CD22: variants seen among roughly 807,000 people sequenced by gnomAD.
CD22 encodes B-cell receptor CD22.
CD22 carries 51 observed loss-of-function variants against 94.7 expected under a neutral mutation model. The ratio of observed to expected loss-of-function variants is 0.54; its 90% CI spans 0.43 to 0.68. CD22 has a LOEUF of 0.68. CD22 is among the 30% of genes least tolerant of loss of function. CD22 has a pLI of 0.00. For synonymous variants in CD22, 424 were observed against 422.5 expected, an observed-to-expected ratio of 1.00 and a Z score of -0.04; for missense variants, 931 against 1,060.4, an observed-to-expected ratio of 0.88 and a Z score of 1.69.
rs932697461 is a variant in CD22, at chr19:35,337,619, G to A, written c.719-136G>A. On this transcript the variant is annotated intron_variant, in intron 4 of 13. Transcript: ENST00000085219. The surrounding 1 kb of genome is among the most constrained non-coding windows in gnomAD (Gnocchi z 4.4). ...AAGTGGGAGGGGGAAGCTGAGAGCC[G>A]AGTTAGGAGGCTGTGACCATCACCT... 3.7e-5 allele frequency: 27 copies of A among 737,322 alleles called. No individual in the cohort carries two copies. The highest frequency in any genetic ancestry group is 3.9e-5 in the Non-Finnish European group (18 of 462,286). 45.7% of individuals were successfully genotyped at this position (737,322 alleles called of 1,614,324 possible). A position where few individuals can be genotyped will look rare whatever the true frequency, so the allele number is the denominator to read the frequency against.
intron 6 of CD22, among the ~76,000 whole-genome samples, chr19:35,340,340 T>A (rs1166498990): frequency 6.6e-6 from 1 of 152,174 alleles, no homozygotes; most frequent in Non-Finnish European, 1.5e-5. Flanking sequence ...TGGAGTGCAG[T>A]GGCTTGATCT....
At chr19:35,335,077 C>CA (rs35391333) in intron 3 of CD22, among the ~76,000 whole-genome samples, 2,313 of 73,300 alleles carry the variant, frequency 0.032, 126 homozygotes, top group African/African-American at 0.11. Flanking sequence ...GACTCTGTCT[C>CA]AAAAAAAAAA....
rs1386300166 is a variant in CD22 at position 35,336,052 on chromosome 19, T to C, written c.429T>C (p.Pro143=). 1 of 1,613,552 alleles carries C rather than the reference T, an allele frequency of 6.2e-7. No individual in the cohort carries two copies. Among genetic ancestry groups the C allele is most frequent in the Non-Finnish European group, 8.5e-7 (1 of 1,179,726 alleles). Residue 143 remains proline, a synonymous_variant, in exon 4 of 14, where the codon CCT becomes CCC. Coordinates refer to ENST00000085219, the MANE Select transcript of CD22 (RefSeq NM_001771.4). The part of the protein sequence containing the change: ...HLNVSERPFP[P]HIQLPPEIQE... ...CTTTTGCAGAAAGGCCTTTTCCACC[T>C]CATATCCAGCTCCCTCCAGAAATTC...
At chr19:35,345,327 A>T in intron 11 of CD22, 1 of 571,214 alleles carries the variant, frequency 1.8e-6, no homozygotes. Flanking sequence ...AGGCTGAGGC[A>T]GGAGAATCGC....
In CD22 at chr19:35,346,229, C is replaced by T; in HGVS notation, c.2406C>T (p.Arg802=). The change falls in exon 13 of 14, where the codon CGC becomes CGT. Residue 802 remains arginine, a synonymous_variant. Transcript: ENST00000085219. ...DTVTYSALHK[R]QVGDYENVIP... ...TCACTTATTCAGCATTGCACAAGCGCCAAGTGGTAAGGAGGGTCTCCCCAG... is the reference window on the plus strand; with the variant it reads ...TCACTTATTCAGCATTGCACAAGCGTCAAGTGGTAAGGAGGGTCTCCCCAG... 1 of 1,613,704 alleles carries T rather than the reference C, an allele frequency of 6.2e-7. No homozygotes were observed. The highest frequency in any genetic ancestry group is 8.5e-7 in the Non-Finnish European group (1 of 1,179,626).
At chr19:35,344,663 A>G in intron 9 of CD22, 166 bp from the exon 10 acceptor site, 2 of 642,930 alleles carry the variant, frequency 3.1e-6, no homozygotes, top group South Asian at 3.8e-5. Flanking sequence ...AGGGAGGCCC[A>G]GAGCAAGCAG....
rs780169916 is a variant in CD22, at chr19:35,346,574, T to C, written c.2421T>C (p.Tyr807=). ...SALHKRQVGD[Y]ENVIPDFPED... ...CCATGCGGTTTTCTCAGGGCGACTA[T>C]GAGAACGTCATTCCAGATTTTCCAG... is the stretch of plus-strand genomic sequence containing the variant. The change falls in exon 14 of 14, where the codon TAT becomes TAC. Residue 807 remains tyrosine (Y), a synonymous_variant. Transcript: ENST00000085219. 6.2e-7 allele frequency: 1 copy of C among 1,602,184 alleles called. No individual in the cohort carries two copies. The highest frequency in any genetic ancestry group is 8.5e-7 in the Non-Finnish European group (1 of 1,173,438).
chr19:35,346,442 T>G, intron 13 of CD22, 124 bp from the exon 14 acceptor site: 1 of 1,365,652 alleles, frequency 7.3e-7, no homozygotes, highest in Non-Finnish European at 1.0e-6. Flanking sequence ...GCCAGTTTCC[T>G]GACACGAGGA....
At position 35,337,985 on chromosome 19, in the gene CD22, C is replaced by T. The variant is rs140208512; in HGVS notation, c.949C>T (p.Pro317Ser). Residue 317 changes from proline to serine, a missense_variant, in exon 5 of 14, where the codon CCG becomes TCG. Physicochemically the swap from Pro to Ser is moderately conservative, Grantham distance 74. Transcript: ENST00000085219. This position sits in a 1 kb window ranked among gnomAD's most constrained non-coding sequence, Gnocchi z 4.4. ...YCCQVSNDVG[P>S]GRSEEVFLQV... ...CTGTCAGGTCTCCAATGACGTGGGC[C>T]CGGGAAGGTCGGAAGAAGTGTTCCT... 1.5e-5 allele frequency: 25 copies of T among 1,613,544 alleles called. No individual in the cohort carries two copies. In the African/African-American group the frequency reaches 2.5e-4, roughly 16 times the overall value.
Position 35,338,197 on chromosome 19 carries a change from C to T in CD22, c.1015C>T (p.Leu339Phe). 6.2e-7 allele frequency: 1 copy of T among 1,613,840 alleles called. No homozygotes were observed. Among genetic ancestry groups the T allele is most frequent in the Non-Finnish European group, 8.5e-7 (1 of 1,179,796 alleles). ...YAPEPSTVQILHSPAVEGSQV... is the reference protein window; with the variant it reads ...YAPEPSTVQIFHSPAVEGSQV... Reference sequence around the variant, plus strand: ...CCCGGAACCTTCCACGGTTCAGATCCTCCACTCACCGGCTGTGGAGGGAAG... The same window carrying T: ...CCCGGAACCTTCCACGGTTCAGATCTTCCACTCACCGGCTGTGGAGGGAAG... Residue 339 changes from leucine (L) to phenylalanine (F), a missense_variant, in exon 6 of 14, where the codon CTC becomes TTC. Transcript: ENST00000085219.
chr19:35,336,650 A>G lies in CD22; in HGVS notation c.718+309A>G, dbSNP rs183506880. 11 of 372,030 alleles carry G rather than the reference A, an allele frequency of 3.0e-5. No homozygotes were observed. In the Admixed American group the frequency reaches 4.7e-4, roughly 16 times the overall value. The allele number at this position is 372,030 out of a possible 1,614,324, so 23.0% of individuals were successfully genotyped here. A position where few individuals can be genotyped will look rare whatever the true frequency, so the allele number is the denominator to read the frequency against. ...TGCCTCATTCATTCAATAAATACGTATCATGAACCTACTAGGTACCAGGCC... is the reference window on the plus strand; with the variant it reads ...TGCCTCATTCATTCAATAAATACGTGTCATGAACCTACTAGGTACCAGGCC... On this transcript the variant is annotated intron_variant, in intron 4 of 13. Transcript: ENST00000085219.
At chr19:35,333,028 A>C in intron 3 of CD22, 104 bp downstream of exon 3, 1 of 1,279,036 alleles carries the variant, frequency 7.8e-7, no homozygotes, top group Non-Finnish European at 1.1e-6. Flanking sequence ...CTTCCTGCAG[A>C]GCTCAGGCAG....
rs1568489388 is a variant in CD22, at chr19:35,341,562, C to T, written c.1727C>T (p.Ser576Phe). The change falls in exon 8 of 14, where the codon TCC becomes TTC. Residue 576 changes from serine (S) to phenylalanine (F), a missense_variant. By Grantham distance (155) the Ser-to-Phe change is radical (BLOSUM62 -2). Coordinates refer to ENST00000085219, the MANE Select transcript of CD22 (RefSeq NM_001771.4). The surrounding 1 kb of genome is among the most constrained non-coding windows in gnomAD (Gnocchi z 4.0). ...AGSYSCWVNN[S>F]IGQTASKAWT... Reference sequence around the variant, plus strand: ...AGTTACAGCTGCTGGGTGAACAACTCCATAGGACAGACAGCGTCCAAGGCC... The same window carrying T: ...AGTTACAGCTGCTGGGTGAACAACTTCATAGGACAGACAGCGTCCAAGGCC... 15 of 1,613,902 alleles carry T rather than the reference C, an allele frequency of 9.3e-6. No individual in the cohort carries two copies. The highest frequency in any genetic ancestry group is 4.0e-5 in the African/African-American group (3 of 74,922).
In CD22 at chr19:35,341,841, C is replaced by T. The variant is rs1568489829; in HGVS notation, c.1911C>T (p.Leu637=). 6.2e-7 allele frequency: 1 copy of T among 1,614,112 alleles called. No homozygotes were observed. The highest frequency in any genetic ancestry group is 1.7e-5 in the Admixed American group (1 of 60,020). Residue 637 remains leucine, a synonymous_variant, in exon 9 of 14, where the codon CTC becomes CTT. Coordinates refer to ENST00000085219, the MANE Select transcript of CD22 (RefSeq NM_001771.4). This position sits in a 1 kb window ranked among gnomAD's most constrained non-coding sequence, Gnocchi z 4.0. The stretch of plus-strand genomic sequence containing the variant: ...GGTTTGACTGGAATAACCAAAGCCT[C>T]CCCTACCACAGCCAGAAGCTGAGAT... ...YTWFDWNNQS[L]PYHSQKLRLE...
chr19:35,346,526 C>G, intron 13 of CD22, 40 bp from the exon 14 acceptor site: 4 of 1,576,198 alleles, frequency 2.5e-6, no homozygotes, highest in Non-Finnish European at 3.5e-6. Context: ...TGGAGGCTGG[C>G]GACAGTGGGG....
Position 35,336,016 on chromosome 19 carries a change from C to T in CD22, c.413-20C>T, listed in dbSNP as rs772441917. On this transcript the variant is annotated intron_variant, in intron 3 of 13. Coordinates refer to ENST00000085219, the MANE Select transcript of CD22 (RefSeq NM_001771.4). ...GTCCTCAGTCCCCCAGGCTCCTGCA[C>T]GGGCTCTGTTCTTTTGCAGAAAGGC... is the stretch of plus-strand genomic sequence containing the variant. 1.2e-6 allele frequency: 2 copies of T among 1,604,240 alleles called. No individual in the cohort carries two copies. Among genetic ancestry groups the T allele is most frequent in the Admixed American group, 1.7e-5 (1 of 59,324 alleles).
intron 9 of CD22, among the ~76,000 whole-genome samples, chr19:35,343,657 G>A (rs961762307): frequency 1.3e-5 from 2 of 152,162 alleles, no homozygotes; most frequent in Non-Finnish European, 2.9e-5. Context: ...CATGGTGGGA[G>A]GATCACTTGA....
At chr19:35,346,481 T>G (rs572170492) in intron 13 of CD22, 85 bp from the exon 14 acceptor site, 1 of 1,531,472 alleles carries the variant, frequency 6.5e-7, no homozygotes, top group African/African-American at 1.4e-5. Context: ...GACCCCCGGG[T>G]GGAATGAAGG....
rs780917131 is a variant in CD22, at chr19:35,341,839, C to T, written c.1909C>T (p.Leu637Phe). 2 of 1,614,118 alleles carry T rather than the reference C, an allele frequency of 1.2e-6. No individual in the cohort carries two copies. The highest frequency in any genetic ancestry group is 1.7e-6 in the Non-Finnish European group (2 of 1,180,020). The stretch of plus-strand genomic sequence containing the variant: ...CTGGTTTGACTGGAATAACCAAAGC[C>T]TCCCCTACCACAGCCAGAAGCTGAG... ...YTWFDWNNQS[L>F]PYHSQKLRLE... Residue 637 changes from leucine to phenylalanine, a missense_variant, in exon 9 of 14, where the codon CTC becomes TTC. Physicochemically the swap from Leu to Phe is conservative, Grantham distance 22. Transcript: ENST00000085219. This position sits in a 1 kb window ranked among gnomAD's most constrained non-coding sequence, Gnocchi z 4.0.
Sources: gnomAD v4.1 joint callset for allele counts (sites outside exome capture counted in the v4.1 genomes callset) on GRCh38, gnomAD v4.1.1 for gene constraint, Gnocchi (gnomAD v3.1) non-coding constraint, MANE v1.5 for transcripts, NCBI Gene and HGNC (gene_info 2026-07-23, HGNC 2026-07-21) for gene names.